The following LPGAT1 variants were observed in gnomAD, a reference collection of about 807,000 sequenced individuals.
The protein encoded by LPGAT1 is acyl-CoA:lysophosphatidylglycerol acyltransferase 1.
LPGAT1 carries 11 observed loss-of-function variants against 47.5 expected under a neutral mutation model. The observed-to-expected ratio is 0.23, with a 90% CI of 0.15 to 0.38. LPGAT1 has a LOEUF of 0.38. LPGAT1 is among the 10% of genes least tolerant of loss of function. LPGAT1 has a pLI of 1.00. For synonymous variants in LPGAT1, 138 were observed against 144.2 expected (o/e 0.96, Z 0.31); for missense variants, 293 against 439.0 (o/e 0.67, Z 2.97).
At chr1:211,783,564 T>C in intron 4 of LPGAT1, 62 bp from the exon 5 acceptor site, 1 of 1,421,652 alleles carries the variant, frequency 7.0e-7, no homozygotes, top group African/African-American at 1.4e-5. Context: ...GCCATAAAAT[T>C]AAACAGAAAT....
intron 6 of LPGAT1, among the ~76,000 whole-genome samples, chr1:211,764,711 GA>G (rs1417905394): frequency 2.8e-4 from 42 of 152,240 alleles, no homozygotes; most frequent in African/African-American, 8.7e-4. Flanking sequence ...ATAAATTTCA[GA>G]AACTCAAATA....
At chr1:211,797,793 T>C (rs924482691) in intron 2 of LPGAT1, among the ~76,000 whole-genome samples, 1 of 152,168 alleles carries the variant, frequency 6.6e-6, no homozygotes, top group Non-Finnish European at 1.5e-5. Flanking sequence ...AACACGCTGC[T>C]CTATGAAATG....
chr1:211,828,439 C>A (rs1660610595), intron 2 of LPGAT1, among the ~76,000 whole-genome samples: 1 of 152,108 alleles, frequency 6.6e-6, no homozygotes, highest in Admixed American at 6.5e-5. Flanking sequence ...AATTTAAAGG[C>A]AGAAATCACA....
In LPGAT1 at chr1:211,830,370, T is replaced by A. The variant is rs1233518577; in HGVS notation, c.-28+203A>T. On this transcript the variant is annotated intron_variant, in intron 1 of 7. Coordinates refer to ENST00000366997, the MANE Select transcript of LPGAT1 (RefSeq NM_014873.3). The surrounding 1 kb of genome is among the most constrained non-coding windows in gnomAD (Gnocchi z 5.9). ...ACGGCGGGGACTCAGAGGCCGGACC[T>A]GTCACCCGGGCGGGTCCCGGGGAGG... The A allele has an allele frequency of 8.6e-7, 1 of 1,162,090 alleles. No homozygotes were observed. 72.0% of individuals were successfully genotyped at this position (1,162,090 alleles called of 1,614,324 possible). A position where few individuals can be genotyped will look rare whatever the true frequency, so the allele number is the denominator to read the frequency against.
intron 6 of LPGAT1, among the ~76,000 whole-genome samples, chr1:211,755,794 A>G (rs896731388): frequency 2.0e-5 from 3 of 152,212 alleles, no homozygotes; most frequent in Non-Finnish European, 4.4e-5. Context: ...TTATTTACAC[A>G]GAAAATAACT....
Position 211,746,649 on chromosome 1 carries a change from G to C in LPGAT1, c.*3250C>G, listed in dbSNP as rs1031541535. 7.9e-5 allele frequency: 12 copies of C among 152,248 alleles called. No individual in the cohort carries two copies. Among genetic ancestry groups the C allele is most frequent in the Middle Eastern group, 3.4e-3 (1 of 294 alleles). 9.4% of individuals were successfully genotyped at this position (152,248 alleles called of 1,614,324 possible). A position where few individuals can be genotyped will look rare whatever the true frequency, so the allele number is the denominator to read the frequency against. ...CCTTTATAGTGGAAAGTTAAGGATT[G>C]GTTGTAATATTAAAGACCAATAAGA... On this transcript the variant is annotated 3_prime_UTR_variant, in exon 8 of 8. Transcript: ENST00000366997.
chr1:211,787,853 A>AGAG, intron 3 of LPGAT1, 126 bp from the exon 4 acceptor site: 1 of 564,786 alleles, frequency 1.8e-6, no homozygotes, highest in Non-Finnish European at 3.1e-6. Context: ...TCTTAAGTCT[A>AGAG]ACTCTATTTC....
chr1:211,793,015 G>A, intron 3 of LPGAT1, 57 bp downstream of exon 3: 1 of 1,228,050 alleles, frequency 8.1e-7, no homozygotes, highest in South Asian at 1.4e-5. Flanking sequence ...CGGCCAAATG[G>A]ATTCCTTTTT....
intron 6 of LPGAT1, among the ~76,000 whole-genome samples, chr1:211,758,527 C>A (rs1043199000): frequency 2.6e-5 from 4 of 152,028 alleles, no homozygotes; most frequent in African/African-American, 4.8e-5. Flanking sequence ...CACGGTGAAA[C>A]CCCATCTCTA....
chr1:211,820,009 G>T (rs1316476666), intron 2 of LPGAT1, among the ~76,000 whole-genome samples: 1 of 152,012 alleles, frequency 6.6e-6, no homozygotes, highest in Non-Finnish European at 1.5e-5. Context: ...AGGCAGGGGG[G>T]TGGTTTACAT....
chr1:211,816,032 C>T (rs373470167), intron 2 of LPGAT1, among the ~76,000 whole-genome samples: 1 of 152,054 alleles, frequency 6.6e-6, no homozygotes, highest in East Asian at 1.9e-4. Context: ...CCACCCGACT[C>T]GGCCTCCCAA....
intron 2 of LPGAT1, among the ~76,000 whole-genome samples, chr1:211,824,031 T>C (rs1660454946): frequency 6.6e-6 from 1 of 152,108 alleles, no homozygotes; most frequent in African/African-American, 2.4e-5. Context: ...TTTTGTGGAC[T>C]GCAATGACCT....
chr1:211,759,480 T>C (rs1657600843), intron 6 of LPGAT1, among the ~76,000 whole-genome samples: 1 of 152,226 alleles, frequency 6.6e-6, no homozygotes, highest in Non-Finnish European at 1.5e-5. Flanking sequence ...GAAATGAAAT[T>C]TTCTGGTATT....
At chr1:211,766,972 ATAT>A (rs1657944975) in intron 6 of LPGAT1, among the ~76,000 whole-genome samples, 2 of 151,988 alleles carry the variant, frequency 1.3e-5, no homozygotes, top group South Asian at 4.2e-4. Flanking sequence ...GAAATTAGGC[ATAT>A]CTTCCAATTA....
At chr1:211,772,072 C>T in intron 6 of LPGAT1, among the ~76,000 whole-genome samples, 1 of 152,074 alleles carries the variant, frequency 6.6e-6, no homozygotes, top group East Asian at 1.9e-4. Flanking sequence ...ACTTTAGGGT[C>T]CCATTATTGT....
intron 2 of LPGAT1, among the ~76,000 whole-genome samples, chr1:211,815,762 C>G (rs1571762667): frequency 6.8e-6 from 1 of 148,112 alleles, no homozygotes; most frequent in South Asian, 2.2e-4. Context: ...TCAAACATGA[C>G]AAATGCTTTT....
In LPGAT1 at chr1:211,793,054, G is replaced by A. The variant is rs1231549718; in HGVS notation, c.357+18C>T. The A allele has an allele frequency of 5.3e-6, 8 of 1,523,434 alleles. No individual in the cohort carries two copies. The highest frequency in any genetic ancestry group is 7.2e-6 in the Non-Finnish European group (8 of 1,113,686). 94.4% of individuals were successfully genotyped at this position (1,523,434 alleles called of 1,614,324 possible). The stretch of plus-strand genomic sequence containing the variant: ...CTTCCTTTCTGGATGTCTATCTACT[G>A]CCTTCAGGGTAGCTTACCAGTCCTT... On this transcript the variant is annotated intron_variant, in intron 3 of 7. Coordinates refer to ENST00000366997, the MANE Select transcript of LPGAT1 (RefSeq NM_014873.3).
At chr1:211,808,488 A>C (rs1043996485) in intron 2 of LPGAT1, among the ~76,000 whole-genome samples, 1 of 152,244 alleles carries the variant, frequency 6.6e-6, no homozygotes, top group African/African-American at 2.4e-5. Flanking sequence ...GTTCAACATC[A>C]TTAGCCACTA....
In LPGAT1 at chr1:211,749,774, A is replaced by C. The variant is rs566828450; in HGVS notation, c.*125T>G. On this transcript the variant is annotated 3_prime_UTR_variant, in exon 8 of 8. Transcript: ENST00000366997. ...AATATCCCAAAGGGGGATAAATATT[A>C]ATCCATCCATTGAATTTCTTTTGCT... is the stretch of plus-strand genomic sequence containing the variant. 8 of 921,400 alleles carry C rather than the reference A, an allele frequency of 8.7e-6. No individual in the cohort carries two copies. The South Asian group carries it at 1.2e-4, about 14-fold the overall frequency. 57.1% of individuals were successfully genotyped at this position (921,400 alleles called of 1,614,324 possible). A position where few individuals can be genotyped will look rare whatever the true frequency, so the allele number is the denominator to read the frequency against.
Sources: gnomAD v4.1 joint callset for allele counts (sites outside exome capture counted in the v4.1 genomes callset) on GRCh38, gnomAD v4.1.1 for gene constraint, Gnocchi (gnomAD v3.1) non-coding constraint, MANE v1.5 for transcripts, NCBI Gene and HGNC (gene_info 2026-07-23, HGNC 2026-07-21) for gene names.